Variants in KLHL14 observed in about 807,000 individuals in gnomAD.
KLHL14 encodes kelch like family member 14.
A neutral mutation model predicts 64.3 loss-of-function variants in KLHL14; 22 were observed. The observed-to-expected ratio is 0.34, with a 90% confidence interval of 0.24 to 0.49. The LOEUF (loss-of-function observed/expected upper bound fraction) is 0.49. Among genes scored for constraint, KLHL14 ranks in the 20% least tolerant of loss-of-function variants. The probability of loss-of-function intolerance (pLI) is 0.99; values close to 1 mark genes in which losing one functional copy is unlikely to be tolerated. For synonymous variants in KLHL14, 322 were observed against 333.4 expected (o/e 0.97, Z 0.37); for missense variants, 661 against 789.0 (o/e 0.84, Z 1.94).
chr18:32,673,182 G>A lies in KLHL14; in HGVS notation c.*1475C>T, dbSNP rs116154026. 74 of 152,592 alleles carry A rather than the reference G, an allele frequency of 4.8e-4. No homozygotes were observed. The highest frequency in any genetic ancestry group is 1.7e-3 in the African/African-American group (72 of 41,520). The allele number at this position is 152,592 out of a possible 1,614,324, so 9.5% of individuals were successfully genotyped here. ...GAAGATTGCACTTTACTGTAGAAAC[G>A]GCATCGGATTCCAGTATACCCATTT... On this transcript the variant is annotated 3_prime_UTR_variant, in exon 9 of 9. Coordinates refer to ENST00000359358, the MANE Select transcript of KLHL14 (RefSeq NM_020805.3).
At chr18:32,767,872 G>A (rs539477639) in intron 2 of KLHL14, among the ~76,000 whole-genome samples, 37 of 152,230 alleles carry the variant, frequency 2.4e-4, no homozygotes, top group African/African-American at 3.6e-4. Flanking sequence ...AATTTATACC[G>A]TGTTATACAT....
intron 7 of KLHL14, among the ~76,000 whole-genome samples, chr18:32,678,715 T>C (rs2049823350): frequency 6.6e-6 from 1 of 152,112 alleles, no homozygotes; most frequent in Non-Finnish European, 1.5e-5. Context: ...TGAGGTTAAG[T>C]GTCTTGAGTG....
intron 5 of KLHL14, among the ~76,000 whole-genome samples, chr18:32,682,948 A>G (rs897162777): frequency 6.6e-6 from 1 of 152,174 alleles, no homozygotes; most frequent in Non-Finnish European, 1.5e-5. Context: ...AATTGGGACT[A>G]TGTGGGTTAT....
chr18:32,685,349 C>T (rs538593021), intron 5 of KLHL14, among the ~76,000 whole-genome samples: 2 of 152,246 alleles, frequency 1.3e-5, no homozygotes, highest in South Asian at 2.1e-4. Flanking sequence ...TAATTGACCA[C>T]GACGTGAGTT....
At chr18:32,733,073 A>C (rs2050144729) in intron 3 of KLHL14, among the ~76,000 whole-genome samples, 1 of 152,204 alleles carries the variant, frequency 6.6e-6, no homozygotes. Flanking sequence ...AAGGAAACAG[A>C]GTCCAGAAAT....
At chr18:32,744,736 C>T (rs2050215971) in intron 2 of KLHL14, 1 of 152,204 alleles carries the variant, frequency 6.6e-6, no homozygotes, top group Non-Finnish European at 1.5e-5. Context: ...ATAAGAGGAA[C>T]TTCCCTAGAC....
intron 3 of KLHL14, among the ~76,000 whole-genome samples, chr18:32,725,795 T>C (rs1445240463): frequency 1.3e-5 from 2 of 152,262 alleles, no homozygotes; most frequent in African/African-American, 4.8e-5. Context: ...GTACAGCTTG[T>C]GACTTAAGGT....
At chr18:32,708,046 C>T (rs1202628247) in intron 3 of KLHL14, among the ~76,000 whole-genome samples, 1 of 152,046 alleles carries the variant, frequency 6.6e-6, no homozygotes, top group African/African-American at 2.4e-5. Context: ...ATAAATTATC[C>T]AACAGAGAGG....
chr18:32,749,546 A>C (rs2050241219), intron 2 of KLHL14, among the ~76,000 whole-genome samples: 1 of 152,180 alleles, frequency 6.6e-6, no homozygotes, highest in South Asian at 2.1e-4. Flanking sequence ...TCCCTCCAGC[A>C]AATGAAAGGC....
At position 32,674,403 on chromosome 18, in the gene KLHL14, A is replaced by G. The variant is rs997703743; in HGVS notation, c.*254T>C. 7.6e-6 allele frequency: 3 copies of G among 393,622 alleles called. No homozygotes were observed. Among genetic ancestry groups the G allele is most frequent in the Non-Finnish European group, 1.4e-5 (3 of 218,114 alleles). 24.4% of individuals were successfully genotyped at this position (393,622 alleles called of 1,614,324 possible). ...AAGATTCACATGAAGAGTTTTTGTAAAGCTGGGATAAGTTAAAACCAGTCT... is the reference window on the plus strand; with the variant it reads ...AAGATTCACATGAAGAGTTTTTGTAGAGCTGGGATAAGTTAAAACCAGTCT... On this transcript the variant is annotated 3_prime_UTR_variant, in exon 9 of 9. Transcript: ENST00000359358.
At chr18:32,728,659 G>A (rs2050119085) in intron 3 of KLHL14, among the ~76,000 whole-genome samples, 1 of 152,102 alleles carries the variant, frequency 6.6e-6, no homozygotes, top group South Asian at 2.1e-4. Context: ...TTGTCTTGTT[G>A]TAATGGTAAG....
At chr18:32,760,253 TA>T (rs960744895) in intron 2 of KLHL14, among the ~76,000 whole-genome samples, 1 of 151,742 alleles carries the variant, frequency 6.6e-6, no homozygotes, top group Admixed American at 6.6e-5. Flanking sequence ...CTTTATCTGA[TA>T]AAAAAACACA....
intron 2 of KLHL14, among the ~76,000 whole-genome samples, chr18:32,752,927 T>C (rs2050263419): frequency 6.6e-6 from 1 of 150,946 alleles, no homozygotes. Flanking sequence ...TCTGATTCAA[T>C]GATCTGGGAT....
intron 2 of KLHL14, among the ~76,000 whole-genome samples, chr18:32,767,632 A>T (rs909668179): frequency 1.4e-4 from 21 of 152,224 alleles, no homozygotes; most frequent in Non-Finnish European, 1.6e-4. Context: ...GCCATCCACC[A>T]GGACAGAGCC....
chr18:32,682,649 A>T (rs1196237716), intron 5 of KLHL14, among the ~76,000 whole-genome samples: 2 of 152,198 alleles, frequency 1.3e-5, no homozygotes, highest in Non-Finnish European at 2.9e-5. Flanking sequence ...AGCAGTTGCA[A>T]AATTAAGTGC....
At chr18:32,702,455 G>T (rs1410500389) in intron 3 of KLHL14, among the ~76,000 whole-genome samples, 1 of 151,270 alleles carries the variant, frequency 6.6e-6, no homozygotes, top group East Asian at 1.9e-4. Flanking sequence ...TTTCAGCAAA[G>T]ATCTAGCAAG....
At chr18:32,704,411 T>C (rs139096600) in intron 3 of KLHL14, among the ~76,000 whole-genome samples, 41 of 152,190 alleles carry the variant, frequency 2.7e-4, no homozygotes, top group African/African-American at 9.9e-4. Context: ...CTACAAGGTA[T>C]CAGAAGGTCT....
At chr18:32,696,195 A>G (rs1052069936) in intron 3 of KLHL14, among the ~76,000 whole-genome samples, 61 of 152,276 alleles carry the variant, frequency 4.0e-4, no homozygotes, top group African/African-American at 1.4e-3. Flanking sequence ...CTTCTGTAAC[A>G]AAGATGAAAA....
At chr18:32,723,715 A>G (rs908080210) in intron 3 of KLHL14, among the ~76,000 whole-genome samples, 2 of 152,170 alleles carry the variant, frequency 1.3e-5, no homozygotes, top group Admixed American at 6.5e-5. Flanking sequence ...ACTTTGTGCT[A>G]GGGCCAAATT....
Sources: allele counts gnomAD v4.1 joint callset (sites outside exome capture counted in the v4.1 genomes callset), GRCh38; gene constraint gnomAD v4.1.1; transcripts MANE v1.5; gene names NCBI Gene and HGNC (gene_info 2026-07-23, HGNC 2026-07-21).